P2RY2: variants seen among roughly 807,000 people sequenced by gnomAD.
P2RY2 encodes the protein P2Y purinoceptor 2.
For missense variants in P2RY2, 567 were observed against 515.7 expected (o/e 1.10, Z -0.96); for synonymous variants, 241 against 231.9 (o/e 1.04, Z -0.35).
At position 73,235,577 on chromosome 11, in the gene P2RY2, T is replaced by C. The variant is rs944173286; in HGVS notation, c.*284T>C. 7.9e-6 allele frequency: 9 copies of C among 1,140,460 alleles called. No individual in the cohort carries two copies. The African/African-American group carries it at 1.5e-4, about 18-fold the overall frequency. The allele number at this position is 1,140,460 out of a possible 1,614,324, so 70.6% of individuals were successfully genotyped here. A position where few individuals can be genotyped will look rare whatever the true frequency, so the allele number is the denominator to read the frequency against. On this transcript the variant is annotated 3_prime_UTR_variant, in exon 3 of 3. Transcript: ENST00000393597. ...ACCCCTGGCCTGACTCCCATGCAAG[T>C]AGCTGGCTGTACTGCCAAGGTACCT...
intron 1 of P2RY2, among the ~76,000 whole-genome samples, chr11:73,227,361 TG>T (rs1043739650): frequency 3.9e-5 from 6 of 152,140 alleles, no homozygotes; most frequent in Non-Finnish European, 8.8e-5. Flanking sequence ...TGTGTGTGTG[TG>T]TGTGCATCCG....
At chr11:73,230,331 C>T (rs1204603342) in intron 2 of P2RY2, among the ~76,000 whole-genome samples, 6 of 151,934 alleles carry the variant, frequency 3.9e-5, no homozygotes, top group African/African-American at 1.5e-4. Context: ...AAGGCCTTCC[C>T]CTGCTTGGCT....
chr11:73,231,693 A>C (rs1003036287), intron 2 of P2RY2, among the ~76,000 whole-genome samples: 1 of 152,166 alleles, frequency 6.6e-6, no homozygotes, highest in African/African-American at 2.4e-5. Flanking sequence ...CTCAGGGTCT[A>C]TGGGAGTAGA....
At position 73,234,795 on chromosome 11, in the gene P2RY2, C is replaced by G. The variant is rs772692364; in HGVS notation, c.636C>G (p.Ala212=). Residue 212 remains alanine, a synonymous_variant, in exon 3 of 3, where the codon GCC becomes GCG. Coordinates refer to ENST00000393597, the MANE Select transcript of P2RY2 (RefSeq NM_002564.4). ...MLGLLFAVPF[A]VILVCYVLMA... ...GCCTGCTCTTCGCGGTGCCCTTTGC[C>G]GTCATCCTTGTCTGTTACGTGCTCA... 3 of 1,611,966 alleles carry G rather than the reference C, an allele frequency of 1.9e-6. No homozygotes were observed. Among genetic ancestry groups the G allele is most frequent in the Middle Eastern group, 1.6e-4 (1 of 6,062 alleles).
At chr11:73,231,469 A>C (rs578242018) in intron 2 of P2RY2, among the ~76,000 whole-genome samples, 4 of 151,370 alleles carry the variant, frequency 2.6e-5, no homozygotes, top group Admixed American at 6.6e-5. Context: ...AGACATGAGA[A>C]TTGCTTGAAC....
intron 1 of P2RY2, among the ~76,000 whole-genome samples, chr11:73,227,525 G>A (rs1436690891): frequency 1.3e-5 from 2 of 152,218 alleles, no homozygotes; most frequent in Non-Finnish European, 2.9e-5. Context: ...GTGGGGAGGA[G>A]GGGGTCTCTA....
rs1308353027 is a variant in P2RY2 at position 73,235,262 on chromosome 11, G to C, written c.1103G>C (p.Gly368Ala). Residue 368 changes from glycine to alanine, a missense_variant, in exon 3 of 3, where the codon GGT (glycine) becomes GCT (alanine). By Grantham distance (60) the Gly-to-Ala change is moderately conservative. Coordinates refer to ENST00000393597, the MANE Select transcript of P2RY2 (RefSeq NM_002564.4). ...DSRRTESTPA[G>A]SENTKDIRL ...AGGCGGACAGAGTCCACGCCGGCTG[G>C]TAGCGAGAACACTAAGGACATTCGG... The C allele has an allele frequency of 1.8e-5, 29 of 1,581,242 alleles. No individual in the cohort carries two copies. The highest frequency in any genetic ancestry group is 2.5e-5 in the Non-Finnish European group (29 of 1,163,792).
intron 2 of P2RY2, among the ~76,000 whole-genome samples, chr11:73,232,125 G>A (rs1862477767): frequency 1.3e-5 from 2 of 152,122 alleles, no homozygotes; most frequent in South Asian, 2.1e-4. Flanking sequence ...AGGATGAGGA[G>A]GACTCACTCT....
In P2RY2 at chr11:73,240,534, G is replaced by A. The variant is rs116251152; in HGVS notation, c.*5241G>A. On this transcript the variant is annotated 3_prime_UTR_variant, in exon 3 of 3. Transcript: ENST00000393597. ...CCTGGGAGACACAACCAGTTGGAATGAGTTTTCCCTCCTGGCAGGGACCCC... is the reference window on the plus strand; with the variant it reads ...CCTGGGAGACACAACCAGTTGGAATAAGTTTTCCCTCCTGGCAGGGACCCC... The A allele has an allele frequency of 0.015, 2,238 of 152,382 alleles. 67 individuals are homozygous for A. The highest frequency in any genetic ancestry group is 0.052 in the African/African-American group (2,150 of 41,558). 9.4% of individuals were successfully genotyped at this position (152,382 alleles called of 1,614,324 possible).
At chr11:73,226,138 T>C (rs1862271019) in intron 1 of P2RY2, among the ~76,000 whole-genome samples, 1 of 152,130 alleles carries the variant, frequency 6.6e-6, no homozygotes, top group Non-Finnish European at 1.5e-5. Flanking sequence ...GGAATTTCAC[T>C]GGTTGGACTA....
Position 73,237,063 on chromosome 11 carries a change from A to G in P2RY2, c.*1770A>G, listed in dbSNP as rs1431483008. The G allele has an allele frequency of 4.1e-6, 4 of 984,664 alleles. No individual in the cohort carries two copies. The highest frequency in any genetic ancestry group is 4.8e-6 in the Non-Finnish European group (4 of 829,724). 61.0% of individuals were successfully genotyped at this position (984,664 alleles called of 1,614,324 possible). A position where few individuals can be genotyped will look rare whatever the true frequency, so the allele number is the denominator to read the frequency against. ...CCTTGTGAAAGGCAGGACATCCCCAAAGCTTGCTGTATTTGGAGCCTGACT... is the reference window on the plus strand; with the variant it reads ...CCTTGTGAAAGGCAGGACATCCCCAGAGCTTGCTGTATTTGGAGCCTGACT... On this transcript the variant is annotated 3_prime_UTR_variant, in exon 3 of 3. Coordinates refer to ENST00000393597, the MANE Select transcript of P2RY2 (RefSeq NM_002564.4).
At position 73,235,262 on chromosome 11, in the gene P2RY2, G is replaced by T. The variant is rs1308353027; in HGVS notation, c.1103G>T (p.Gly368Val). The change falls in exon 3 of 3, where the codon GGT becomes GTT. Residue 368 changes from glycine to valine, a missense_variant. Coordinates refer to ENST00000393597, the MANE Select transcript of P2RY2 (RefSeq NM_002564.4). ...DSRRTESTPA[G>V]SENTKDIRL ...AGGCGGACAGAGTCCACGCCGGCTG[G>T]TAGCGAGAACACTAAGGACATTCGG... is the stretch of plus-strand genomic sequence containing the variant. 6.3e-7 allele frequency: 1 copy of T among 1,581,360 alleles called. No homozygotes were observed. Among genetic ancestry groups the T allele is most frequent in the African/African-American group, 1.4e-5 (1 of 74,070 alleles).
rs1862686323 is a variant in P2RY2 at position 73,237,641 on chromosome 11, G to A, written c.*2348G>A. 6.6e-6 allele frequency among the ~76,000 whole-genome samples: 1 copy of A among 152,272 alleles called. No homozygotes were observed. Among genetic ancestry groups the A allele is most frequent in the South Asian group, 2.1e-4 (1 of 4,816 alleles). ...CTCCACAAGGACACAGGAGGGGCTC[G>A]TTCACCATCTAATCCTGTGGCAGGC... On this transcript the variant is annotated 3_prime_UTR_variant, in exon 3 of 3. Coordinates refer to ENST00000393597, the MANE Select transcript of P2RY2 (RefSeq NM_002564.4).
Position 73,234,617 on chromosome 11 carries a change from T to TGGCC in P2RY2, c.461_464dup (p.Ala156ArgfsTer84), listed in dbSNP as rs746813920. On this transcript the variant is annotated frameshift_variant, in exon 3 of 3. Coordinates refer to ENST00000393597, the MANE Select transcript of P2RY2 (RefSeq NM_002564.4). LOFTEE classifies it low-confidence loss of function (END_TRUNC). ...GGCCGGGCCCGCTACGCTCGCCGGG[T>TGGCC]GGCCGGGGCCGTGTGGGTGTTGGTG... The TGGCC allele has an allele frequency of 3.8e-6, 6 of 1,565,892 alleles. No individual in the cohort carries two copies. The Admixed American group carries it at 1.1e-4, about 28-fold the overall frequency.
intron 1 of P2RY2, among the ~76,000 whole-genome samples, chr11:73,222,156 T>C (rs1790076): frequency 1 from 151,516 of 152,198 alleles, 75,423 homozygotes; most frequent in Middle Eastern, 1. Flanking sequence ...GGTGCTGGAG[T>C]GAGGGAAAGG....
At position 73,234,197 on chromosome 11, in the gene P2RY2, A is replaced by G. The variant is rs375041155; in HGVS notation, c.38A>G (p.Asn13Ser). 3.2e-5 allele frequency: 52 copies of G among 1,613,612 alleles called. No homozygotes were observed. The highest frequency in any genetic ancestry group is 6.7e-5 in the African/African-American group (5 of 74,928). The change falls in exon 3 of 3, where the codon AAT (asparagine) becomes AGT (serine). Residue 13 changes from asparagine to serine, a missense_variant. Transcript: ENST00000393597. ...ADLGPWNDTI[N>S]GTWDGDELGY... ...CTGGGCCCCTGGAATGACACCATCA[A>G]TGGCACCTGGGATGGGGATGAGCTG...
rs573698017 is a variant in P2RY2 at position 73,234,783 on chromosome 11, G to T, written c.624G>T (p.Ala208=). ...YSSVMLGLLF[A]VPFAVILVCY... ...CAGTCATGCTGGGCCTGCTCTTCGCGGTGCCCTTTGCCGTCATCCTTGTCT... is the reference window on the plus strand; with the variant it reads ...CAGTCATGCTGGGCCTGCTCTTCGCTGTGCCCTTTGCCGTCATCCTTGTCT... Residue 208 remains alanine (A), a synonymous_variant, in exon 3 of 3, where the codon GCG becomes GCT. Transcript: ENST00000393597. The T allele has an allele frequency of 1.4e-5, 23 of 1,611,626 alleles. No individual in the cohort carries two copies. The highest frequency in any genetic ancestry group is 1.9e-5 in the Non-Finnish European group (22 of 1,179,952).
chr11:73,222,315 G>T (rs1453448420), intron 1 of P2RY2, among the ~76,000 whole-genome samples: 1 of 152,016 alleles, frequency 6.6e-6, no homozygotes, highest in Non-Finnish European at 1.5e-5. Flanking sequence ...CTGGGCTGTT[G>T]CAGGAAATCC....
chr11:73,223,934 G>C (rs907846301), intron 1 of P2RY2, among the ~76,000 whole-genome samples: 1 of 152,196 alleles, frequency 6.6e-6, no homozygotes, highest in Admixed American at 6.5e-5. Context: ...CTGTAAGCCT[G>C]GTTGATCTGA....
Sources: gnomAD v4.1 joint callset for allele counts (sites outside exome capture counted in the v4.1 genomes callset) on GRCh38, gnomAD v4.1.1 for gene constraint, MANE v1.5 for transcripts, NCBI Gene and HGNC (gene_info 2026-07-23, HGNC 2026-07-21) for gene names.